The following SGCZ variants were observed in gnomAD, a reference collection of about 807,000 sequenced individuals.
SGCZ encodes zeta-sarcoglycan.
Under a neutral mutation model 41.3 loss-of-function variants are expected in SGCZ, and 40 were observed. That is an observed-to-expected ratio of 0.97 (90% CI 0.75 to 1.26). SGCZ has a LOEUF of 1.26. Among genes scored for constraint, SGCZ ranks in the 50% most tolerant of loss-of-function variants. The pLI is 0.00. For missense variants in SGCZ, 552 were observed against 369.8 expected (o/e 1.49, Z -4.04); for synonymous variants, 206 against 137.5 (o/e 1.50, Z -3.49).
chr8:14,998,030 T>C (rs865773708), intron 1 of SGCZ, among the ~76,000 whole-genome samples: 27 of 152,150 alleles, frequency 1.8e-4, no homozygotes, highest in Admixed American at 2.0e-4. Context: ...AACTTCCCAG[T>C]GGTGTTCCTC....
chr8:14,217,636 T>TG (rs1415187235), intron 4 of SGCZ, among the ~76,000 whole-genome samples: 2 of 129,434 alleles, frequency 1.5e-5, no homozygotes, highest in Non-Finnish European at 1.8e-5. Flanking sequence ...AAGTTTTTTT[T>TG]TTTTTTTTTT....
intron 1 of SGCZ, among the ~76,000 whole-genome samples, chr8:14,655,348 TA>T (rs1314323355): frequency 6.6e-6 from 1 of 152,138 alleles, no homozygotes; most frequent in East Asian, 1.9e-4. Flanking sequence ...TTAATTGAAA[TA>T]AAAATGCAGC....
In SGCZ at chr8:14,662,029, C is replaced by A. The variant is rs533375011; in HGVS notation, c.40-107103G>T. On this transcript the variant is annotated intron_variant, in intron 1 of 7. Transcript: ENST00000382080. ...ATACCAAAAGATTTGCTAAAATTAA[C>A]CAGCTAAGTAAATAAGTAGAAGAAG... 1.4e-4 allele frequency among the ~76,000 whole-genome samples: 21 copies of A among 152,148 alleles called. No individual in the cohort carries two copies. The East Asian group carries it at 3.7e-3, about 27-fold the overall frequency.
At chr8:14,603,300 A>C (rs183151886) in intron 1 of SGCZ, among the ~76,000 whole-genome samples, 1 of 152,326 alleles carries the variant, frequency 6.6e-6, no homozygotes, top group East Asian at 1.9e-4. Flanking sequence ...TTCATTTTAT[A>C]ATCAGGAAAA....
At chr8:15,011,024 A>C (rs534508490) in intron 1 of SGCZ, among the ~76,000 whole-genome samples, 1 of 152,110 alleles carries the variant, frequency 6.6e-6, no homozygotes, top group East Asian at 1.9e-4. Context: ...GAAAATAATT[A>C]AACGAAGATT....
chr8:14,458,424 C>G (rs1158770348), intron 2 of SGCZ, among the ~76,000 whole-genome samples: 1 of 152,030 alleles, frequency 6.6e-6, no homozygotes, highest in Non-Finnish European at 1.5e-5. Context: ...GTAGGTGATG[C>G]TGAAACCACA....
At chr8:14,735,912 T>G (rs908896254) in intron 1 of SGCZ, among the ~76,000 whole-genome samples, 1 of 152,078 alleles carries the variant, frequency 6.6e-6, no homozygotes, top group Non-Finnish European at 1.5e-5. Flanking sequence ...AAGCCATTCC[T>G]GACTGAGTGA....
At chr8:14,407,019 T>C (rs1423066461) in intron 2 of SGCZ, among the ~76,000 whole-genome samples, 1 of 150,898 alleles carries the variant, frequency 6.6e-6, no homozygotes, top group African/African-American at 2.4e-5. Context: ...CTGTCCTGCA[T>C]CAATATGAAT....
At chr8:14,774,071 T>C (rs535561529) in intron 1 of SGCZ, among the ~76,000 whole-genome samples, 1 of 152,172 alleles carries the variant, frequency 6.6e-6, no homozygotes, top group Non-Finnish European at 1.5e-5. Context: ...GCACGGGTGT[T>C]TTTCGTTGAG....
intron 1 of SGCZ, among the ~76,000 whole-genome samples, chr8:15,128,554 C>T (rs1008568599): frequency 6.6e-6 from 1 of 152,202 alleles, no homozygotes; most frequent in Non-Finnish European, 1.5e-5. Context: ...GCTCTGACAC[C>T]AACTGCTATT....
chr8:15,115,196 G>T (rs375886053), intron 1 of SGCZ, among the ~76,000 whole-genome samples: 1 of 152,130 alleles, frequency 6.6e-6, no homozygotes, highest in African/African-American at 2.4e-5. Context: ...GTGGTGTGCT[G>T]CCTTCTTTAC....
chr8:15,084,609 G>T (rs1052309880), intron 1 of SGCZ, among the ~76,000 whole-genome samples: 1 of 152,010 alleles, frequency 6.6e-6, no homozygotes, highest in Admixed American at 6.6e-5. Context: ...AAAATTAGCT[G>T]GGCGTGGTAA....
At chr8:14,267,829 G>A (rs1332917765) in intron 3 of SGCZ, among the ~76,000 whole-genome samples, 2 of 151,890 alleles carry the variant, frequency 1.3e-5, no homozygotes, top group East Asian at 3.9e-4. Flanking sequence ...TATTCATTCT[G>A]TGTTTATCTC....
At chr8:14,583,896 T>C (rs1023928833) in intron 1 of SGCZ, among the ~76,000 whole-genome samples, 11 of 152,172 alleles carry the variant, frequency 7.2e-5, no homozygotes, top group African/African-American at 2.7e-4. Context: ...AATATTTCTA[T>C]TTTCCCATTT....
chr8:14,416,430 A>G (rs1215532547), intron 2 of SGCZ, among the ~76,000 whole-genome samples: 1 of 151,934 alleles, frequency 6.6e-6, no homozygotes. Flanking sequence ...TAAAGAACGA[A>G]AGAGTATTCA....
At chr8:14,213,980 G>A (rs913013621) in intron 4 of SGCZ, among the ~76,000 whole-genome samples, 2 of 152,046 alleles carry the variant, frequency 1.3e-5, no homozygotes, top group African/African-American at 4.8e-5. Context: ...CATGTTCATA[G>A]CAAGTTCAAC....
At chr8:14,731,306 G>A (rs939198488) in intron 1 of SGCZ, among the ~76,000 whole-genome samples, 2 of 147,414 alleles carry the variant, frequency 1.4e-5, no homozygotes, top group Middle Eastern at 3.4e-3. Context: ...AACACCACAT[G>A]TTCCCACTCA....
intron 2 of SGCZ, among the ~76,000 whole-genome samples, chr8:14,367,083 C>T (rs1458929015): frequency 2.0e-5 from 3 of 152,042 alleles, no homozygotes; most frequent in African/African-American, 7.2e-5. Flanking sequence ...GAACACTTTG[C>T]CACTTAGAAA....
chr8:15,086,070 A>G (rs1805937024), intron 1 of SGCZ, among the ~76,000 whole-genome samples: 1 of 152,230 alleles, frequency 6.6e-6, no homozygotes, highest in Admixed American at 6.5e-5. Context: ...ATCGATTTCC[A>G]TGGATATTGC....
Sources: gnomAD v4.1 joint callset for allele counts (sites outside exome capture counted in the v4.1 genomes callset) on GRCh38, gnomAD v4.1.1 for gene constraint, MANE v1.5 for transcripts, NCBI Gene and HGNC (gene_info 2026-07-23, HGNC 2026-07-21) for gene names.